The following ZNF536 variants were observed in gnomAD, a reference collection of about 807,000 sequenced individuals.
The protein encoded by ZNF536 is zinc finger protein 536.
ZNF536 carries 13 observed loss-of-function variants against 84.5 expected under a neutral mutation model. The observed-to-expected ratio is 0.15, with a 90% CI of 0.10 to 0.24. The LOEUF (loss-of-function observed/expected upper bound fraction) is 0.24, where lower values mean the gene tolerates loss of function less well. Among genes scored for constraint, ZNF536 ranks in the 10% least tolerant of loss-of-function variants. ZNF536 has a pLI of 1.00. For synonymous variants in ZNF536, 811 were observed against 742.5 expected, an observed-to-expected ratio of 1.09 and a Z score of -1.50; for missense variants, 1,536 against 1,747.5, an observed-to-expected ratio of 0.88 and a Z score of 2.16.
intron 1 of ZNF536, chr19:30,665,655 C>G (rs181787292): frequency 6.6e-6 from 1 of 152,210 alleles, no homozygotes; most frequent in East Asian, 1.9e-4. Flanking sequence ...AATTCTGTTT[C>G]GAAACCATCT....
intron 2 of ZNF536, among the ~76,000 whole-genome samples, chr19:30,342,051 A>G (rs922100315): frequency 6.6e-6 from 1 of 152,220 alleles, no homozygotes; most frequent in African/African-American, 2.4e-5. Flanking sequence ...TTTCAGTTTA[A>G]AGTCAAAACT....
intron 1 of ZNF536, among the ~76,000 whole-genome samples, chr19:30,433,295 G>A (rs2051562214): frequency 6.6e-6 from 1 of 152,152 alleles, no homozygotes. Context: ...AATTCAGCAG[G>A]TGACCCAAGC....
intron 1 of ZNF536, among the ~76,000 whole-genome samples, chr19:30,374,812 G>C (rs868473306): frequency 6.6e-6 from 1 of 151,658 alleles, no homozygotes; most frequent in Non-Finnish European, 1.5e-5. Context: ...GCCGGCGCCC[G>C]GGCGGATTGC....
At chr19:30,691,419 T>TAAA (rs2051403868) in intron 1 of ZNF536, among the ~76,000 whole-genome samples, 1 of 121,468 alleles carries the variant, frequency 8.2e-6, no homozygotes, top group Admixed American at 8.0e-5. Context: ...TCCTCAACTG[T>TAAA]TAATCAAATT....
downstream of ZNF536, among the ~76,000 whole-genome samples, chr19:30,561,888 T>C (rs544373313): frequency 1.3e-5 from 2 of 152,254 alleles, no homozygotes; most frequent in South Asian, 2.1e-4. Context: ...GAACCAACAG[T>C]ATCTGCTTCA....
chr19:30,696,935 C>T (rs1403207093), intron 1 of ZNF536, among the ~76,000 whole-genome samples: 1 of 152,212 alleles, frequency 6.6e-6, no homozygotes, highest in East Asian at 1.9e-4. Context: ...TTCTGCCTCT[C>T]TCTGGCTTTG....
intron 2 of ZNF536, among the ~76,000 whole-genome samples, chr19:30,500,326 C>T (rs1313297534): frequency 6.6e-6 from 1 of 151,726 alleles, no homozygotes; most frequent in Non-Finnish European, 1.5e-5. Context: ...GGGCTCACTC[C>T]TGTGTCTAGA....
At chr19:30,603,354 A>G (rs1000833241) in intron 1 of ZNF536, among the ~76,000 whole-genome samples, 1 of 152,200 alleles carries the variant, frequency 6.6e-6, no homozygotes, top group Non-Finnish European at 1.5e-5. Context: ...AAGGATTATC[A>G]AAACTTCTGG....
chr19:30,316,412 C>T (rs555671773), intron 2 of ZNF536, among the ~76,000 whole-genome samples: 2 of 152,300 alleles, frequency 1.3e-5, no homozygotes, highest in African/African-American at 2.4e-5. Flanking sequence ...ACTCTAATGA[C>T]TTCTATAAAT....
chr19:30,511,950 C>A (rs1191050390), intron 2 of ZNF536, among the ~76,000 whole-genome samples: 1 of 152,176 alleles, frequency 6.6e-6, no homozygotes, highest in Non-Finnish European at 1.5e-5. Flanking sequence ...AGAAATGAGG[C>A]AGAGTCCATA....
chr19:30,375,667 C>T (rs575263500), intron 1 of ZNF536, among the ~76,000 whole-genome samples: 1 of 152,196 alleles, frequency 6.6e-6, no homozygotes, highest in Non-Finnish European at 1.5e-5. Flanking sequence ...ATGGCGTGTG[C>T]CTGGAGATGG....
At chr19:30,569,658 C>G (rs989796929) in intron 1 of ZNF536, among the ~76,000 whole-genome samples, 4 of 144,914 alleles carry the variant, frequency 2.8e-5, no homozygotes, top group African/African-American at 1.0e-4. Context: ...GCAACTTCTG[C>G]CTCCTGGGTT....
chr19:30,282,822 GAGACAGAC>G (rs906752867), intron 1 of ZNF536, among the ~76,000 whole-genome samples: 1 of 152,188 alleles, frequency 6.6e-6, no homozygotes, highest in African/African-American at 2.4e-5. Flanking sequence ...GGAAGAGAGA[GAGACAGAC>G]AGACAGACAC....
intron 1 of ZNF536, among the ~76,000 whole-genome samples, chr19:30,594,906 C>G (rs1167658240): frequency 6.6e-6 from 1 of 152,122 alleles, no homozygotes; most frequent in Non-Finnish European, 1.5e-5. Flanking sequence ...CCTCTGTCCC[C>G]CAGCTGCCCC....
Position 30,548,402 on chromosome 19 carries a change from G to A in ZNF536, c.2783G>A (p.Ser928Asn), listed in dbSNP as rs572123550. 5 of 1,614,218 alleles carry A rather than the reference G, an allele frequency of 3.1e-6. No homozygotes were observed. Among genetic ancestry groups the A allele is most frequent in the East Asian group, 2.2e-5 (1 of 44,868 alleles). ...LQAFMDSFVL[S>N]SLKKEKDMKD... ...GCTTTCATGGACAGTTTTGTCCTCA[G>A]TTCCTTGAAGAAGGAGAAGGACATG... is the stretch of plus-strand genomic sequence containing the variant. The change falls in exon 4 of 5, where the codon AGT becomes AAT. Residue 928 changes from serine (S) to asparagine (N), a missense_variant. Coordinates refer to ENST00000355537, the MANE Select transcript of ZNF536 (RefSeq NM_014717.3).
At position 30,444,359 on chromosome 19, in the gene ZNF536, A is replaced by T. The variant is rs2052214212; in HGVS notation, c.797A>T (p.Asp266Val). Reference sequence around the variant, plus strand: ...CCCAAGCCTGCCAGCGTGCAGGAGGACGCGGTGGCCCCGGCGGCGGGCTTC... The same window carrying T: ...CCCAAGCCTGCCAGCGTGCAGGAGGTCGCGGTGGCCCCGGCGGCGGGCTTC... The part of the protein sequence containing the change: ...PSPKPASVQE[D>V]AVAPAAGFRC... Residue 266 changes from aspartate (D) to valine (V), a missense_variant, in exon 2 of 5, where the codon GAC becomes GTC. Coordinates refer to ENST00000355537, the MANE Select transcript of ZNF536 (RefSeq NM_014717.3). 1 of 1,601,170 alleles carries T rather than the reference A, an allele frequency of 6.2e-7. No homozygotes were observed. The highest frequency in any genetic ancestry group is 1.3e-5 in the African/African-American group (1 of 74,888).
At chr19:30,381,189 T>A (rs2049007179) in intron 1 of ZNF536, among the ~76,000 whole-genome samples, 1 of 152,172 alleles carries the variant, frequency 6.6e-6, no homozygotes, top group Admixed American at 6.5e-5. Flanking sequence ...TCTATATATA[T>A]CTAATAATCA....
rs1346547598 is a variant in ZNF536 at position 30,548,882 on chromosome 19, T to C, written c.3263T>C (p.Leu1088Pro). ...KMAQGQLKETLGEQKSGAWTG... is the reference protein window; with the variant it reads ...KMAQGQLKETPGEQKSGAWTG... ...GCCCAAGGTCAGCTCAAGGAGACTC[T>C]GGGAGAGCAGAAGAGCGGTGCATGG... The change falls in exon 4 of 5, where the codon CTG (leucine) becomes CCG (proline). Residue 1088 changes from leucine (L) to proline (P), a missense_variant. By Grantham distance (98) the Leu-to-Pro change is moderately conservative. Coordinates refer to ENST00000355537, the MANE Select transcript of ZNF536 (RefSeq NM_014717.3). 2 of 1,614,172 alleles carry C rather than the reference T, an allele frequency of 1.2e-6. No homozygotes were observed. Among genetic ancestry groups the C allele is most frequent in the Admixed American group, 1.7e-5 (1 of 60,034 alleles).
intron 2 of ZNF536, among the ~76,000 whole-genome samples, chr19:30,500,825 A>G (rs1402137592): frequency 6.6e-6 from 1 of 152,256 alleles, no homozygotes; most frequent in Non-Finnish European, 1.5e-5. Flanking sequence ...TTGGTGTCAG[A>G]GGCAAGGGCC....
Sources: allele counts gnomAD v4.1 joint callset (sites outside exome capture counted in the v4.1 genomes callset), GRCh38; gene constraint gnomAD v4.1.1; transcripts MANE v1.5; gene names NCBI Gene and HGNC (gene_info 2026-07-23, HGNC 2026-07-21).